The following HSD17B12 variants were observed in gnomAD, a reference collection of about 807,000 sequenced individuals.
HSD17B12 encodes the protein hydroxysteroid 17-beta dehydrogenase 12, also known as very-long-chain 3-oxoacyl-CoA reductase.
Under a neutral mutation model 39.3 loss-of-function variants are expected in HSD17B12, and 32 were observed. That is an observed-to-expected ratio of 0.81 (90% CI 0.61 to 1.09). The LOEUF is 1.09. Ranked by LOEUF, HSD17B12 falls within the 50% of genes least tolerant of loss-of-function variation. The pLI is 0.00. For synonymous variants in HSD17B12, 150 were observed against 146.7 expected (o/e 1.02, Z -0.16); for missense variants, 342 against 382.9 (o/e 0.89, Z 0.89).
chr11:43,578,514 C>G, the HSD17B12 span, among the ~76,000 whole-genome samples: 1 of 152,310 alleles, frequency 6.6e-6, no homozygotes, highest in South Asian at 2.1e-4. Context: ...AACGCTGCAA[C>G]CCACACTTTG....
chr11:43,724,695 G>A (rs905034652), intron 1 of HSD17B12, among the ~76,000 whole-genome samples: 6 of 152,080 alleles, frequency 3.9e-5, no homozygotes, highest in African/African-American at 9.7e-5. Flanking sequence ...CTCTGTCCTC[G>A]TGATCCAACC....
chr11:43,715,746 G>C lies in HSD17B12; in HGVS notation c.160+34759G>C, dbSNP rs527643561. 8.5e-5 allele frequency among the ~76,000 whole-genome samples: 13 copies of C among 152,210 alleles called. No homozygotes were observed. In the East Asian group the frequency reaches 2.5e-3, roughly 29 times the overall value. ...TCTCGTAGAATTTGGCTGTGAATCT[G>C]TCTAGTCACCAGCTATTGAGAGCTT... is the stretch of plus-strand genomic sequence containing the variant. On this transcript the variant is annotated intron_variant, in intron 1 of 10. Coordinates refer to ENST00000278353, the MANE Select transcript of HSD17B12 (RefSeq NM_016142.3).
At chr11:43,815,554 G>T in intron 5 of HSD17B12, 53 bp downstream of exon 5, 1 of 1,108,000 alleles carries the variant, frequency 9.0e-7, no homozygotes, top group Non-Finnish European at 1.3e-6. Context: ...GCAGGTATTG[G>T]TATAATGATT....
At chr11:43,765,724 A>C (rs145673659) in intron 3 of HSD17B12, among the ~76,000 whole-genome samples, 116 of 151,452 alleles carry the variant, frequency 7.7e-4, no homozygotes, top group Non-Finnish European at 3.0e-5. Flanking sequence ...ACATTCACCA[A>C]CGTTTTTTTC....
the HSD17B12 span, among the ~76,000 whole-genome samples, chr11:43,598,838 T>A: frequency 6.6e-6 from 1 of 152,192 alleles, no homozygotes; most frequent in Non-Finnish European, 1.5e-5. Flanking sequence ...GCCAGCCATA[T>A]ATGTACCTGT....
At chr11:43,785,932 A>G (rs1455274189) in intron 3 of HSD17B12, among the ~76,000 whole-genome samples, 1 of 152,206 alleles carries the variant, frequency 6.6e-6, no homozygotes, top group Non-Finnish European at 1.5e-5. Context: ...ACAATTGTTA[A>G]TATTACCCCC....
At chr11:43,662,520 T>C in the HSD17B12 span, among the ~76,000 whole-genome samples, 4 of 136,416 alleles carry the variant, frequency 2.9e-5, no homozygotes, top group Non-Finnish European at 4.6e-5. Context: ...TGGCCACATC[T>C]CAAAAAAAAA....
chr11:43,734,207 G>A lies in HSD17B12; in HGVS notation c.161-16704G>A, dbSNP rs533597283. ...GCTGGTCTCCAGGCAGGTGAGCGACGACCTTACGGAGCGAGCAGCCACCTT... is the reference window on the plus strand; with the variant it reads ...GCTGGTCTCCAGGCAGGTGAGCGACAACCTTACGGAGCGAGCAGCCACCTT... On this transcript the variant is annotated intron_variant, in intron 1 of 10. Coordinates refer to ENST00000278353, the MANE Select transcript of HSD17B12 (RefSeq NM_016142.3). 113 of 1,569,102 alleles carry A rather than the reference G, an allele frequency of 7.2e-5. No homozygotes were observed. In the South Asian group the frequency reaches 1.3e-3, roughly 18 times the overall value.
intron 3 of HSD17B12, among the ~76,000 whole-genome samples, chr11:43,781,664 TAC>T (rs545698633): frequency 2.0e-5 from 3 of 151,938 alleles, no homozygotes; most frequent in Non-Finnish European, 4.4e-5. Flanking sequence ...TACATATATA[TAC>T]ACACACACAC....
At chr11:43,725,731 G>C (rs1470720707) in intron 1 of HSD17B12, among the ~76,000 whole-genome samples, 1 of 152,170 alleles carries the variant, frequency 6.6e-6, no homozygotes, top group Admixed American at 6.5e-5. Context: ...AAAATGGTAA[G>C]TTATTACTAT....
At chr11:43,646,568 A>C in the HSD17B12 span, among the ~76,000 whole-genome samples, 1 of 152,230 alleles carries the variant, frequency 6.6e-6, no homozygotes, top group South Asian at 2.1e-4. Flanking sequence ...TTAATTGACA[A>C]GTTACCTCTG....
At chr11:43,849,394 A>G (rs148418265) in intron 9 of HSD17B12, among the ~76,000 whole-genome samples, 30 of 152,320 alleles carry the variant, frequency 2.0e-4, no homozygotes, top group Non-Finnish European at 3.7e-4. Flanking sequence ...CAATGAAACC[A>G]TGAGTTTTTA....
chr11:43,776,926 C>T (rs1475084826), intron 3 of HSD17B12, among the ~76,000 whole-genome samples: 6 of 152,126 alleles, frequency 3.9e-5, no homozygotes, highest in African/African-American at 4.8e-5. Flanking sequence ...AGATATGCGG[C>T]GTTATTTCTG....
chr11:43,620,906 G>A, the HSD17B12 span, among the ~76,000 whole-genome samples: 1 of 152,204 alleles, frequency 6.6e-6, no homozygotes, highest in Non-Finnish European at 1.5e-5. Context: ...CAATAATGTA[G>A]AAAGTATTGT....
At chr11:43,734,919 C>G (rs1950303383) in intron 1 of HSD17B12, among the ~76,000 whole-genome samples, 1 of 152,224 alleles carries the variant, frequency 6.6e-6, no homozygotes. Context: ...ACCCACTAAG[C>G]AGTCCCTCTC....
the HSD17B12 span, among the ~76,000 whole-genome samples, chr11:43,607,343 T>C: frequency 6.6e-6 from 1 of 150,814 alleles, no homozygotes; most frequent in Admixed American, 6.6e-5. Flanking sequence ...CTGGTATAAA[T>C]GCCCGAGAAC....
chr11:43,679,622 A>C (rs1330543414), upstream of HSD17B12, among the ~76,000 whole-genome samples: 1 of 152,230 alleles, frequency 6.6e-6, no homozygotes, highest in African/African-American at 2.4e-5. Flanking sequence ...AGGGAAATTT[A>C]AAAAAGAAAG....
chr11:43,672,203 C>T, the HSD17B12 span, among the ~76,000 whole-genome samples: 1 of 152,172 alleles, frequency 6.6e-6, no homozygotes, highest in Non-Finnish European at 1.5e-5. Context: ...CGCCCGCCAC[C>T]ACGCCCGGCT....
intron 3 of HSD17B12, among the ~76,000 whole-genome samples, chr11:43,772,913 C>T (rs1400312414): frequency 6.6e-6 from 1 of 152,116 alleles, no homozygotes; most frequent in Non-Finnish European, 1.5e-5. Context: ...GCGTTTGAGA[C>T]CAGCCTGGGC....
Sources: gnomAD v4.1 joint callset for allele counts (sites outside exome capture counted in the v4.1 genomes callset) on GRCh38, gnomAD v4.1.1 for gene constraint, MANE v1.5 for transcripts, NCBI Gene and HGNC (gene_info 2026-07-23, HGNC 2026-07-21) for gene names.